The following HLTF variants were observed in gnomAD, a reference collection of about 807,000 sequenced individuals.
HLTF encodes the protein DNA-dependent ATPase/E3 ubiquitin-protein ligase HLTF.
HLTF carries 127 observed loss-of-function variants against 129.4 expected under a neutral mutation model. The ratio of observed to expected loss-of-function variants is 0.98; its 90% CI spans 0.85 to 1.14. The LOEUF is 1.14. Ranked by LOEUF, HLTF falls within the 50% of genes most tolerant of loss-of-function variation. The pLI, the probability that HLTF is intolerant of heterozygous loss-of-function variation, is 0.00. For synonymous variants in HLTF, 332 were observed against 388.8 expected (o/e 0.85, Z 1.72); for missense variants, 1,139 against 1,187.1 (o/e 0.96, Z 0.60).
intron 13 of HLTF, 99 bp from the exon 14 acceptor site, chr3:149,055,499 T>C: frequency 2.6e-6 from 2 of 766,580 alleles, no homozygotes; most frequent in South Asian, 3.4e-5. Flanking sequence ...AAAGATAAAT[T>C]AGGAACAATT....
chr3:149,078,718 G>A (rs1011020590), intron 2 of HLTF, among the ~76,000 whole-genome samples: 3 of 151,932 alleles, frequency 2.0e-5, no homozygotes, highest in Middle Eastern at 3.4e-3. Context: ...TTAGCCGGGC[G>A]AGGTGGCGGG....
At chr3:149,065,743 T>C (rs937252769) in intron 8 of HLTF, among the ~76,000 whole-genome samples, 3 of 152,062 alleles carry the variant, frequency 2.0e-5, no homozygotes, top group Admixed American at 6.6e-5. Flanking sequence ...GGCAGGAGAA[T>C]TGCTTGAACT....
At position 149,058,310 on chromosome 3, in the gene HLTF, G is replaced by C. The variant is rs529448507; in HGVS notation, c.1375+1408C>G. ...CCCTGATCTTGAACTCATGGGCCTC[G>C]GCCTCCCAAAGTGCTGCAATTTCAG... On this transcript the variant is annotated intron_variant, in intron 13 of 24. Coordinates refer to ENST00000310053, the MANE Select transcript of HLTF (RefSeq NM_003071.4). 2.3e-4 allele frequency among the ~76,000 whole-genome samples: 35 copies of C among 152,048 alleles called. No individual in the cohort carries two copies. In the South Asian group the frequency reaches 7.3e-3, roughly 32 times the overall value.
intron 3 of HLTF, 48 bp from the exon 4 acceptor site, chr3:149,074,396 T>C: frequency 6.5e-7 from 1 of 1,530,972 alleles, no homozygotes; most frequent in Non-Finnish European, 8.9e-7. Flanking sequence ...GCATTACTTT[T>C]TATCCCCACT....
chr3:149,050,227 CT>C lies in HLTF; in HGVS notation c.1617+4del. On this transcript the variant is annotated splice_donor_region_variant and intron_variant, in intron 15 of 24. Coordinates refer to ENST00000310053, the MANE Select transcript of HLTF (RefSeq NM_003071.4). ...AAAGATCTGTTAAGTATCAACAATA[CT>C]TACTCCATAGTCATGAGTTAAAATA... is the stretch of plus-strand genomic sequence containing the variant. 6.5e-7 allele frequency: 1 copy of C among 1,549,998 alleles called. No individual in the cohort carries two copies. Among genetic ancestry groups the C allele is most frequent in the Non-Finnish European group, 8.8e-7 (1 of 1,130,856 alleles).
chr3:149,043,775 A>G (rs910868256), intron 18 of HLTF, among the ~76,000 whole-genome samples: 2 of 152,176 alleles, frequency 1.3e-5, no homozygotes, highest in African/African-American at 2.4e-5. Flanking sequence ...TGGCTGTGCC[A>G]ATTTAATTAT....
chr3:149,075,097 T>A (rs1457606), intron 3 of HLTF, among the ~76,000 whole-genome samples: 5,955 of 152,274 alleles, frequency 0.039, 387 homozygotes, highest in African/African-American at 0.14. Flanking sequence ...GAAAAATAAG[T>A]TTTTTGTATT....
At chr3:149,059,649 A>C in intron 13 of HLTF, 69 bp downstream of exon 13, 1 of 930,540 alleles carries the variant, frequency 1.1e-6, no homozygotes, top group Non-Finnish European at 1.7e-6. Flanking sequence ...TTATAACTTA[A>C]AATTTTAAAT....
chr3:149,060,402 T>C (rs543214079), intron 12 of HLTF, among the ~76,000 whole-genome samples: 1 of 152,266 alleles, frequency 6.6e-6, no homozygotes, highest in Non-Finnish European at 1.5e-5. Context: ...TAGAAAATTG[T>C]TTTAAGTATA....
intron 4 of HLTF, 116 bp downstream of exon 4, chr3:149,074,099 T>C (rs1719117451): frequency 4.1e-6 from 4 of 972,692 alleles, no homozygotes; most frequent in Non-Finnish European, 5.8e-6. Flanking sequence ...TGAAAAAAAG[T>C]TGTACCTTGG....
intron 13 of HLTF, among the ~76,000 whole-genome samples, chr3:149,057,413 G>A (rs546082503): frequency 6.7e-4 from 102 of 152,170 alleles, no homozygotes; most frequent in African/African-American, 2.3e-3. Flanking sequence ...GCGACAGAGT[G>A]AGACTCCGTC....
chr3:149,067,911 A>C (rs1023059491), intron 8 of HLTF, among the ~76,000 whole-genome samples: 1 of 152,148 alleles, frequency 6.6e-6, no homozygotes, highest in African/African-American at 2.4e-5. Context: ...TGGGAGGCTG[A>C]GGCAGGTAGA....
rs765812726 is a variant in HLTF at position 149,073,284 on chromosome 3, TTCC to T, written c.565_567del (p.Gly189del). 3 of 1,613,058 alleles carry T rather than the reference TTCC, an allele frequency of 1.9e-6. No individual in the cohort carries two copies. The highest frequency in any genetic ancestry group is 2.5e-6 in the Non-Finnish European group (3 of 1,179,244). On this transcript the variant is annotated inframe_deletion, in exon 5 of 25. Coordinates refer to ENST00000310053, the MANE Select transcript of HLTF (RefSeq NM_003071.4). The stretch of plus-strand genomic sequence containing the variant: ...GGCATACTATAGCTTGGTCCAGCTC[TTCC>T]AGAGCCCCAACCACTTTCCAAATTG...
At chr3:149,073,143 A>G (rs989724066) in intron 5 of HLTF, 82 bp downstream of exon 5, 3 of 778,290 alleles carry the variant, frequency 3.9e-6, no homozygotes, top group African/African-American at 1.7e-5. Flanking sequence ...ACCCACACGT[A>G]CATATTCATC....
Position 149,084,772 on chromosome 3 carries a change from A to G in HLTF, c.138T>C (p.Asp46=), listed in dbSNP as rs1206957476. 2 of 1,614,008 alleles carry G rather than the reference A, an allele frequency of 1.2e-6. No individual in the cohort carries two copies. Among genetic ancestry groups the G allele is most frequent in the Non-Finnish European group, 1.7e-6 (2 of 1,179,970 alleles). ...RFEFQDVIPP[D]DFLTSDEEVD... ...CTTCTTCATCACTAGTTAGAAAGTC[A>G]TCTGGAGGGATAACATCTTGGAATT... is the stretch of plus-strand genomic sequence containing the variant. The change falls in exon 2 of 25, where the codon GAT becomes GAC. Residue 46 remains aspartate, a synonymous_variant. Coordinates refer to ENST00000310053, the MANE Select transcript of HLTF (RefSeq NM_003071.4).
intron 23 of HLTF, 55 bp downstream of exon 23, chr3:149,038,994 C>A: frequency 9.3e-7 from 1 of 1,074,206 alleles, no homozygotes; most frequent in South Asian, 2.2e-5. Context: ...AGTTTTTTGT[C>A]TTATTTTTTT....
chr3:149,081,137 A>G (rs1040616789), intron 2 of HLTF, among the ~76,000 whole-genome samples: 3 of 152,158 alleles, frequency 2.0e-5, no homozygotes, highest in Admixed American at 2.0e-4. Flanking sequence ...CTTTTCTCAG[A>G]AAGTATCTTC....
chr3:149,056,997 T>A (rs1214427900), intron 13 of HLTF, among the ~76,000 whole-genome samples: 1 of 147,260 alleles, frequency 6.8e-6, no homozygotes, highest in Non-Finnish European at 1.5e-5. Flanking sequence ...TAGTCCCAGC[T>A]ACTCGGGAGG....
At chr3:149,032,957 CAAAA>C (rs67952189) in intron 24 of HLTF, among the ~76,000 whole-genome samples, 6 of 67,714 alleles carry the variant, frequency 8.9e-5, no homozygotes, top group Admixed American at 1.6e-4. Flanking sequence ...AGCGACGTCT[CAAAA>C]AAAAAAAAAA....
Sources: gnomAD v4.1 joint callset for allele counts (sites outside exome capture counted in the v4.1 genomes callset) on GRCh38, gnomAD v4.1.1 for gene constraint, MANE v1.5 for transcripts, NCBI Gene and HGNC (gene_info 2026-07-23, HGNC 2026-07-21) for gene names.